DYNC2I2: variants seen among roughly 807,000 people sequenced by gnomAD.
DYNC2I2 encodes cytoplasmic dynein 2 intermediate chain 2.
In DYNC2I2, 39 loss-of-function variants were observed where a neutral mutation model predicts 52.0. The observed-to-expected ratio is 0.75, with a 90% CI of 0.58 to 0.98. The LOEUF is 0.98. Ranked by LOEUF, DYNC2I2 falls within the 50% of genes least tolerant of loss-of-function variation. The pLI is 0.00. For synonymous variants in DYNC2I2, 359 were observed against 321.1 expected (o/e 1.12, Z -1.26); for missense variants, 743 against 728.4 (o/e 1.02, Z -0.23).
At position 128,634,699 on chromosome 9, in the gene DYNC2I2, G is replaced by T; in HGVS notation, c.1204C>A (p.Pro402Thr). 6.4e-7 allele frequency: 1 copy of T among 1,568,614 alleles called. No homozygotes were observed. The highest frequency in any genetic ancestry group is 1.3e-5 in the African/African-American group (1 of 74,380). Residue 402 changes from proline (P) to threonine (T), a missense_variant, in exon 7 of 9, where the codon CCC (proline) becomes ACC (threonine). Transcript: ENST00000372715. Reference sequence around the variant, plus strand: ...GCCTGCCCTACGTACCTGTGGAAGGGGGAACAGCTCACAGAGTAGATGGGA... The same window carrying T: ...GCCTGCCCTACGTACCTGTGGAAGGTGGAACAGCTCACAGAGTAGATGGGA... ...GGPIYSVSCS[P>T]FHRNLFLSAG...
the DYNC2I2 span, among the ~76,000 whole-genome samples, chr9:128,665,900 G>T: frequency 2.8e-5 from 4 of 143,864 alleles, no homozygotes; most frequent in Non-Finnish European, 6.0e-5. Context: ...GTGAAACCCC[G>T]TCTCTACTAA....
At chr9:128,655,359 A>AAAAAAAAAAAAC (rs1860797856) in intron 1 of DYNC2I2, among the ~76,000 whole-genome samples, 1 of 140,442 alleles carries the variant, frequency 7.1e-6, no homozygotes, top group African/African-American at 2.6e-5. Flanking sequence ...AAAAAAAAAA[A>AAAAAAAAAAAAC]AATTAGCCGG....
chr9:128,634,212 C>CGGCCCCTTCCTACCTTTCCCAGA lies in DYNC2I2; in HGVS notation c.1363_1372+13dup. 1 of 1,610,122 alleles carries CGGCCCCTTCCTACCTTTCCCAGA rather than the reference C, an allele frequency of 6.2e-7. No homozygotes were observed. Among genetic ancestry groups the CGGCCCCTTCCTACCTTTCCCAGA allele is most frequent in the Non-Finnish European group, 8.5e-7 (1 of 1,178,258 alleles). On this transcript the variant is annotated intron_variant, in intron 8 of 8. Transcript: ENST00000372715. ...ACCCCTTAAACAGATCCAGGCCTAGCGGCCCCTTCCTACCTTTCCCAGAGG... is the reference window on the plus strand; with the variant it reads ...ACCCCTTAAACAGATCCAGGCCTAGCGGCCCCTTCCTACCTTTCCCAGAGGCCCCTTCCTACCTTTCCCAGAGG...
chr9:128,635,639 C>A lies in DYNC2I2; in HGVS notation c.813+19G>T, dbSNP rs368089184. ...GCTCTGCCTCAGGGCCCACCCCGCC[C>A]GGCAGCCCCTGCCCTGACCTGGGAC... is the stretch of plus-strand genomic sequence containing the variant. On this transcript the variant is annotated intron_variant, in intron 5 of 8. Transcript: ENST00000372715. 8.8e-6 allele frequency: 14 copies of A among 1,583,922 alleles called. No homozygotes were observed. The highest frequency in any genetic ancestry group is 1.7e-4 in the Middle Eastern group (1 of 6,032).
intron 1 of DYNC2I2, among the ~76,000 whole-genome samples, chr9:128,642,889 GAA>G (rs879916409): frequency 6.6e-6 from 1 of 152,086 alleles, no homozygotes; most frequent in Non-Finnish European, 1.5e-5. Context: ...GAATAAACAA[GAA>G]AAAAACACCA....
At chr9:128,674,614 G>A in the DYNC2I2 span, among the ~76,000 whole-genome samples, 17 of 152,194 alleles carry the variant, frequency 1.1e-4, no homozygotes, top group Non-Finnish European at 2.2e-4. Context: ...ATGGTGGCAC[G>A]CACCTGTAAT....
upstream of DYNC2I2, among the ~76,000 whole-genome samples, chr9:128,660,755 TG>T: frequency 6.6e-6 from 1 of 151,512 alleles, no homozygotes; most frequent in South Asian, 2.1e-4. Context: ...TTTGAGATGG[TG>T]TCACGCTCTG....
the DYNC2I2 span, among the ~76,000 whole-genome samples, chr9:128,665,393 G>C: frequency 6.6e-6 from 1 of 152,078 alleles, no homozygotes; most frequent in Admixed American, 6.6e-5. Flanking sequence ...GATGGGTCAT[G>C]TTAGTCTCAC....
At chr9:128,635,060 C>A in intron 6 of DYNC2I2, 32 bp downstream of exon 6, 1 of 1,595,892 alleles carries the variant, frequency 6.3e-7, no homozygotes, top group Non-Finnish European at 8.5e-7. Context: ...CTCACCGGCG[C>A]AGGCCAGGGC....
intron 1 of DYNC2I2, among the ~76,000 whole-genome samples, chr9:128,641,976 TACACACACAC>T (rs142269423): frequency 1.7e-3 from 248 of 147,080 alleles, no homozygotes; most frequent in Middle Eastern, 3.5e-3. Flanking sequence ...TTTATATACA[TACACACACAC>T]ACACACACAC....
chr9:128,646,543 A>G (rs1860620834), intron 1 of DYNC2I2, among the ~76,000 whole-genome samples: 2 of 152,190 alleles, frequency 1.3e-5, no homozygotes, highest in South Asian at 4.1e-4. Flanking sequence ...AGGACATGCC[A>G]TCTAGGAATG....
At chr9:128,634,999 G>A in intron 6 of DYNC2I2, 78 bp from the exon 7 acceptor site, 2 of 1,587,566 alleles carry the variant, frequency 1.3e-6, no homozygotes, top group Admixed American at 1.7e-5. Flanking sequence ...GAGAACAGGA[G>A]GGGAGATCAC....
intron 1 of DYNC2I2, among the ~76,000 whole-genome samples, chr9:128,654,623 T>C (rs1860782214): frequency 6.6e-6 from 1 of 152,020 alleles, no homozygotes; most frequent in African/African-American, 2.4e-5. Flanking sequence ...AGTGGTGCAA[T>C]CATAGCTCAC....
rs1393744298 is a variant in DYNC2I2 at position 128,633,739 on chromosome 9, AC to A, written c.*4del. ...CGAAGGCTTGCACCCGCCTCCCGGG[AC>A]CCCTCAGGCCGCCACCTCTGCTGCC... On this transcript the variant is annotated 3_prime_UTR_variant, in exon 9 of 9. Coordinates refer to ENST00000372715, the MANE Select transcript of DYNC2I2 (RefSeq NM_052844.4). 1 of 1,611,444 alleles carries A rather than the reference AC, an allele frequency of 6.2e-7. No homozygotes were observed. The highest frequency in any genetic ancestry group is 8.5e-7 in the Non-Finnish European group (1 of 1,179,588).
intron 1 of DYNC2I2, among the ~76,000 whole-genome samples, chr9:128,645,004 G>A (rs946379770): frequency 5.4e-4 from 82 of 151,828 alleles, no homozygotes; most frequent in African/African-American, 1.9e-3. Flanking sequence ...GCTGTTGCCT[G>A]TCTCTCTCTC....
chr9:128,657,728 G>C (rs536041890), upstream of DYNC2I2, among the ~76,000 whole-genome samples: 1 of 152,178 alleles, frequency 6.6e-6, no homozygotes, highest in Admixed American at 6.6e-5. Flanking sequence ...GATCCCTTGA[G>C]TCCAGTAGTT....
intron 4 of DYNC2I2, chr9:128,636,055 A>T: frequency 1.3e-6 from 1 of 788,732 alleles, no homozygotes; most frequent in Non-Finnish European, 2.1e-6. Context: ...TGGCCTCTCC[A>T]CAGCCCCCTG....
the DYNC2I2 span, among the ~76,000 whole-genome samples, chr9:128,677,741 A>C: frequency 6.6e-6 from 1 of 151,978 alleles, no homozygotes; most frequent in Non-Finnish European, 1.5e-5. Context: ...CAGGAGGCAG[A>C]AGGTTGCAGT....
At chr9:128,676,450 A>T in the DYNC2I2 span, among the ~76,000 whole-genome samples, 1 of 152,068 alleles carries the variant, frequency 6.6e-6, no homozygotes, top group Non-Finnish European at 1.5e-5. Context: ...AGATCCTGCC[A>T]TTACACTCCA....
Sources: allele counts gnomAD v4.1 joint callset (sites outside exome capture counted in the v4.1 genomes callset), GRCh38; gene constraint gnomAD v4.1.1; transcripts MANE v1.5; gene names NCBI Gene and HGNC (gene_info 2026-07-23, HGNC 2026-07-21).